The following GALNT18 variants were observed in gnomAD, a reference collection of about 807,000 sequenced individuals.
GALNT18 encodes GalNAc-transferase 18.
GALNT18 carries 44 observed loss-of-function variants against 69.5 expected under a neutral mutation model. The ratio of observed to expected loss-of-function variants is 0.63; its 90% CI spans 0.50 to 0.81. The LOEUF (loss-of-function observed/expected upper bound fraction) is 0.81, where lower values mean the gene tolerates loss of function less well. GALNT18 is among the 40% of genes least tolerant of loss of function. The pLI is 0.00. For missense variants in GALNT18, 715 were observed against 810.0 expected, an observed-to-expected ratio of 0.88 and a Z score of 1.42; for synonymous variants, 364 against 318.2, an observed-to-expected ratio of 1.14 and a Z score of -1.53.
rs1589987947 is a variant in GALNT18, at chr11:11,421,922, A to G, written c.595+10699T>C. On this transcript the variant is annotated intron_variant, in intron 3 of 10. Transcript: ENST00000227756. This position sits in a 1 kb window ranked among gnomAD's most constrained non-coding sequence, Gnocchi z 5.6. ...CAGCACAGACTTTATTTTAGCCCCT[A>G]CGTGCCCCTGGCCTGGGTGCCCTGG... 6.6e-6 allele frequency among the ~76,000 whole-genome samples: 1 copy of G among 152,200 alleles called. No homozygotes were observed. Among genetic ancestry groups the G allele is most frequent in the East Asian group, 1.9e-4 (1 of 5,198 alleles).
intron 1 of GALNT18, among the ~76,000 whole-genome samples, chr11:11,571,155 A>G (rs1169962446): frequency 1.3e-5 from 2 of 152,224 alleles, no homozygotes; most frequent in African/African-American, 4.8e-5. Context: ...ACAGATGAAA[A>G]AAATCAAGGC....
At chr11:11,324,340 G>A (rs936286817) in intron 9 of GALNT18, among the ~76,000 whole-genome samples, 9 of 152,144 alleles carry the variant, frequency 5.9e-5, no homozygotes, top group Non-Finnish European at 1.2e-4. Context: ...TACACCAAAC[G>A]ACATGATCAA....
In GALNT18 at chr11:11,619,534, A is replaced by G. The variant is rs868563043; in HGVS notation, c.235+1825T>C. Among the ~76,000 whole-genome samples, 1 of 151,996 alleles carries G rather than the reference A, an allele frequency of 6.6e-6. No individual in the cohort carries two copies. The highest frequency in any genetic ancestry group is 1.5e-5 in the Non-Finnish European group (1 of 67,982). On this transcript the variant is annotated intron_variant, in intron 1 of 10. Coordinates refer to ENST00000227756, the MANE Select transcript of GALNT18 (RefSeq NM_198516.3). The surrounding 1 kb of genome is among the most constrained non-coding windows in gnomAD (Gnocchi z 4.9). Reference sequence around the variant, plus strand: ...ATGGCATCCCCTGAAAGCATCCCCAAAGCAGTACCTTGCTCACCTCCTGCC... The same window carrying G: ...ATGGCATCCCCTGAAAGCATCCCCAGAGCAGTACCTTGCTCACCTCCTGCC...
Position 11,614,359 on chromosome 11 carries a change from AGAAGAGGAGGAGGAG to A in GALNT18, c.235+6985_235+6999del, listed in dbSNP as rs1423345599. Among the ~76,000 whole-genome samples, 1 of 114,058 alleles carries A rather than the reference AGAAGAGGAGGAGGAG, an allele frequency of 8.8e-6. No individual in the cohort carries two copies. Among genetic ancestry groups the A allele is most frequent in the African/African-American group, 4.4e-5 (1 of 22,484 alleles). The allele number at this position is 114,058 out of a possible 152,430, so 74.8% of individuals were successfully genotyped here. On this transcript the variant is annotated intron_variant, in intron 1 of 10. Coordinates refer to ENST00000227756, the MANE Select transcript of GALNT18 (RefSeq NM_198516.3). This position sits in a 1 kb window ranked among gnomAD's most constrained non-coding sequence, Gnocchi z 5.6. ...AGGCAAGAGAGTGAGGAGAAGAAGA[AGAAGAGGAGGAGGAG>A]GAGGAGGAGGAGGAGGAGGAGGGAG...
chr11:11,377,097 A>G lies in GALNT18; in HGVS notation c.977+85T>C. The G allele has an allele frequency of 7.6e-7, 1 of 1,321,666 alleles. No homozygotes were observed. The highest frequency in any genetic ancestry group is 1.4e-5 in the African/African-American group (1 of 69,100). The allele number at this position is 1,321,666 out of a possible 1,614,324, so 81.9% of individuals were successfully genotyped here. On this transcript the variant is annotated intron_variant, in intron 5 of 10. Coordinates refer to ENST00000227756, the MANE Select transcript of GALNT18 (RefSeq NM_198516.3). This position sits in a 1 kb window ranked among gnomAD's most constrained non-coding sequence, Gnocchi z 4.6. ...CCTGTCATCCCCACGATGGGGCTCA[A>G]GTTGGAGAATAAGCATTGGACCAGT...
In GALNT18 at chr11:11,530,543, C is replaced by A. The variant is rs575114260; in HGVS notation, c.236-81607G>T. On this transcript the variant is annotated intron_variant, in intron 1 of 10. Transcript: ENST00000227756. ...AACCCTTCTGGAAGTCCATCGGACC[C>A]AAACAGGCGTGCCATAGGCATCCTC... is the stretch of plus-strand genomic sequence containing the variant. Among the ~76,000 whole-genome samples the A allele has an allele frequency of 5.9e-5, 9 of 152,286 alleles. No homozygotes were observed. The South Asian group carries it at 1.5e-3, about 25-fold the overall frequency.
rs903112746 is a variant in GALNT18, at chr11:11,620,002, G to T, written c.235+1357C>A. ...GAACCTCCCTGAACCTTCCCCTCCT[G>T]GAAAGGAACTATTCTGGACACCTGG... On this transcript the variant is annotated intron_variant, in intron 1 of 10. Transcript: ENST00000227756. This position sits in a 1 kb window ranked among gnomAD's most constrained non-coding sequence, Gnocchi z 6.9. Among the ~76,000 whole-genome samples the T allele has an allele frequency of 1.3e-5, 2 of 152,090 alleles. No homozygotes were observed. The highest frequency in any genetic ancestry group is 2.9e-5 in the Non-Finnish European group (2 of 68,026).
At chr11:11,594,234 T>A (rs1859432222) in intron 1 of GALNT18, among the ~76,000 whole-genome samples, 1 of 152,230 alleles carries the variant, frequency 6.6e-6, no homozygotes, top group Non-Finnish European at 1.5e-5. Flanking sequence ...CTTTCCTCCA[T>A]CCACTAAAGT....
intron 3 of GALNT18, among the ~76,000 whole-genome samples, chr11:11,386,063 T>C (rs113074005): frequency 6.6e-6 from 1 of 152,162 alleles, no homozygotes; most frequent in African/African-American, 2.4e-5. Context: ...TTCCCCCTCA[T>C]AGTCCTGCTG....
rs1386868473 is a variant in GALNT18, at chr11:11,604,231, T to C, written c.235+17128A>G. On this transcript the variant is annotated intron_variant, in intron 1 of 10. Transcript: ENST00000227756. The surrounding 1 kb of genome is among the most constrained non-coding windows in gnomAD (Gnocchi z 5.6). ...AGACTAAGATACCACTTTTCAAAGA[T>C]TGTGTTGGTTTGGTTAGTAAGTTAA... is the stretch of plus-strand genomic sequence containing the variant. 2.6e-5 allele frequency among the ~76,000 whole-genome samples: 4 copies of C among 152,232 alleles called. No individual in the cohort carries two copies. Among genetic ancestry groups the C allele is most frequent in the African/African-American group, 9.6e-5 (4 of 41,470 alleles).
rs896840246 is a variant in GALNT18, at chr11:11,566,899, G to A, written c.235+54460C>T. 5.3e-5 allele frequency among the ~76,000 whole-genome samples: 8 copies of A among 152,276 alleles called. No homozygotes were observed. The South Asian group carries it at 8.3e-4, about 16-fold the overall frequency. On this transcript the variant is annotated intron_variant, in intron 1 of 10. Coordinates refer to ENST00000227756, the MANE Select transcript of GALNT18 (RefSeq NM_198516.3). ...GGATGTGAGTACATTTTGATTACGT[G>A]TTCCACCTTCCGTGATTAGTTGTGC...
chr11:11,562,345 C>T lies in GALNT18; in HGVS notation c.235+59014G>A, dbSNP rs570923483. 2.6e-5 allele frequency among the ~76,000 whole-genome samples: 4 copies of T among 152,262 alleles called. No individual in the cohort carries two copies. In the East Asian group the frequency reaches 5.8e-4, roughly 22 times the overall value. Reference sequence around the variant, plus strand: ...TGTCCATGTTTCCCCTTTAGATGTGCACACCCGTCATATTGGATTGGGGCC... The same window carrying T: ...TGTCCATGTTTCCCCTTTAGATGTGTACACCCGTCATATTGGATTGGGGCC... On this transcript the variant is annotated intron_variant, in intron 1 of 10. Coordinates refer to ENST00000227756, the MANE Select transcript of GALNT18 (RefSeq NM_198516.3). The surrounding 1 kb of genome is among the most constrained non-coding windows in gnomAD (Gnocchi z 4.1).
chr11:11,326,532 G>A (rs114098561), intron 9 of GALNT18, among the ~76,000 whole-genome samples: 3,858 of 152,236 alleles, frequency 0.025, 129 homozygotes, highest in African/African-American at 0.077. Context: ...ACTATGAATG[G>A]GGAATTTGTA....
chr11:11,621,398 G>T lies in GALNT18; in HGVS notation c.196C>A (p.Leu66Met), dbSNP rs1860188521. ...TTGATGACATTCTCCAGGTGGTCCA[G>T]CCGCTCAATAATCTTCAGAGTGTCC... is the stretch of plus-strand genomic sequence containing the variant. ...KGDTLKIIERLDHLENVIKQH... is the reference protein window; with the variant it reads ...KGDTLKIIERMDHLENVIKQH... Residue 66 changes from leucine (L) to methionine (M), a missense_variant, in exon 1 of 11, where the codon CTG becomes ATG. Transcript: ENST00000227756. This position sits in a 1 kb window ranked among gnomAD's most constrained non-coding sequence, Gnocchi z 9.3. The T allele has an allele frequency of 6.2e-7, 1 of 1,613,996 alleles. No individual in the cohort carries two copies. The highest frequency in any genetic ancestry group is 8.5e-7 in the Non-Finnish European group (1 of 1,180,018).
chr11:11,416,501 C>A (rs1171040703), intron 3 of GALNT18, among the ~76,000 whole-genome samples: 4 of 152,182 alleles, frequency 2.6e-5, no homozygotes, highest in African/African-American at 4.8e-5. Flanking sequence ...AAACTCTGAG[C>A]CCCTACTTAA....
rs10831567 is a variant in GALNT18, at chr11:11,271,153, G to C, written c.1815C>G (p.Leu605=). Residue 605 remains leucine, a synonymous_variant, in exon 11 of 11, where the codon CTC becomes CTG. Transcript: ENST00000227756. ...HWSITNVLRS[L]AS ...AAGTGGCCCCGGTGGGTCAGGACGCGAGGCTCCTCAGGACGTTGGTGATGC... is the reference window on the plus strand; with the variant it reads ...AAGTGGCCCCGGTGGGTCAGGACGCCAGGCTCCTCAGGACGTTGGTGATGC... 0.42 allele frequency: 672,848 copies of C among 1,609,886 alleles called. 142,193 individuals carry two copies. Among genetic ancestry groups the C allele is most frequent in the Admixed American group, 0.52 (31,118 of 59,922 alleles).
Position 11,271,120 on chromosome 11 carries a change from G to C in GALNT18, c.*24C>G. ...GCAGGTGCTACACAGTAGCAAAGAGGCAGCCGGAAGTGGCCCCGGTGGGTC... is the reference window on the plus strand; with the variant it reads ...GCAGGTGCTACACAGTAGCAAAGAGCCAGCCGGAAGTGGCCCCGGTGGGTC... On this transcript the variant is annotated 3_prime_UTR_variant, in exon 11 of 11. Transcript: ENST00000227756. 1.2e-6 allele frequency: 2 copies of C among 1,601,268 alleles called. No individual in the cohort carries two copies. Among genetic ancestry groups the C allele is most frequent in the East Asian group, 4.5e-5 (2 of 44,498 alleles).
chr11:11,297,101 T>G (rs1296491236), intron 9 of GALNT18, among the ~76,000 whole-genome samples: 1 of 152,086 alleles, frequency 6.6e-6, no homozygotes, highest in Non-Finnish European at 1.5e-5. Flanking sequence ...CATTTTTGGT[T>G]GTCATGATGG....
intron 1 of GALNT18, among the ~76,000 whole-genome samples, chr11:11,516,678 T>A (rs993332788): frequency 6.6e-6 from 1 of 152,006 alleles, no homozygotes; most frequent in African/African-American, 2.4e-5. Context: ...CCCCTCAGAG[T>A]CTGCCTTTCC....
Sources: gnomAD v4.1 joint callset for allele counts (sites outside exome capture counted in the v4.1 genomes callset) on GRCh38, gnomAD v4.1.1 for gene constraint, Gnocchi (gnomAD v3.1) non-coding constraint, MANE v1.5 for transcripts, NCBI Gene and HGNC (gene_info 2026-07-23, HGNC 2026-07-21) for gene names.